CLDN16: variants seen among roughly 807,000 people sequenced by gnomAD.
CLDN16 encodes the protein claudin-16.
A neutral mutation model predicts 24.6 loss-of-function variants in CLDN16; 13 were observed. The observed-to-expected ratio is 0.53, with a 90% CI of 0.34 to 0.84. The LOEUF is 0.84. CLDN16 is among the 40% of genes least tolerant of loss of function. The pLI is 0.01. For missense variants in CLDN16, 298 were observed against 292.7 expected, an observed-to-expected ratio of 1.02 and a Z score of -0.13; for synonymous variants, 116 against 106.7, an observed-to-expected ratio of 1.09 and a Z score of -0.54.
upstream of CLDN16, among the ~76,000 whole-genome samples, chr3:190,321,352 C>T (rs1016757255): frequency 9.2e-5 from 14 of 152,200 alleles, no homozygotes; most frequent in African/African-American, 2.4e-4. Context: ...ATTAAAACTT[C>T]GGGGGAATCT....
the CLDN16 span, among the ~76,000 whole-genome samples, chr3:190,297,844 T>C: frequency 1.7e-4 from 25 of 151,056 alleles, no homozygotes; most frequent in Non-Finnish European, 3.4e-4. Context: ...CATATGTCAT[T>C]TGACTTCCAC....
rs183329532 is a variant in CLDN16, at chr3:190,376,320, A to G, written n.306+1717A>G. ...AAAGATTAGAAAATTAAAGAAATAT[A>G]AAATTTTGATAATTCAACAACAGAA... On this transcript the variant is annotated intron_variant and non_coding_transcript_variant, in intron 3 of 4. Transcript: ENST00000468220. 5.3e-3 allele frequency among the ~76,000 whole-genome samples: 811 copies of G among 152,038 alleles called. 4 individuals carry two copies. The highest frequency in any genetic ancestry group is 8.9e-3 in the Non-Finnish European group (603 of 67,910).
At chr3:190,325,396 T>G (rs1397239344) in intron 1 of CLDN16, among the ~76,000 whole-genome samples, 1 of 152,210 alleles carries the variant, frequency 6.6e-6, no homozygotes, top group Non-Finnish European at 1.5e-5. Flanking sequence ...AGTGGCAAGA[T>G]ATTTTACTCT....
chr3:190,342,904 T>C (rs933582686), intron 1 of CLDN16, among the ~76,000 whole-genome samples: 3 of 152,196 alleles, frequency 2.0e-5, no homozygotes, highest in African/African-American at 7.2e-5. Context: ...GCCTTGGCAA[T>C]GATTTCTTGA....
At chr3:190,406,915 T>C (rs2108518781) in intron 3 of CLDN16, among the ~76,000 whole-genome samples, 1 of 152,154 alleles carries the variant, frequency 6.6e-6, no homozygotes, top group South Asian at 2.1e-4. Context: ...CTACTTTTTG[T>C]ATTTTTAGTA....
chr3:190,383,942 G>T (rs1047729460), upstream of CLDN16, among the ~76,000 whole-genome samples: 1 of 152,006 alleles, frequency 6.6e-6, no homozygotes, highest in Non-Finnish European at 1.5e-5. Context: ...CTTTACAAAC[G>T]TTATTCATTT....
chr3:190,407,752 C>T (rs1719142764), intron 3 of CLDN16, among the ~76,000 whole-genome samples: 1 of 152,104 alleles, frequency 6.6e-6, no homozygotes, highest in East Asian at 1.9e-4. Context: ...ACATTTTTTA[C>T]TTCAATTATT....
chr3:190,408,777 T>C (rs1719173948), intron 4 of CLDN16, among the ~76,000 whole-genome samples: 1 of 148,752 alleles, frequency 6.7e-6, no homozygotes, highest in Admixed American at 6.7e-5. Flanking sequence ...CAATTATACA[T>C]ATATACATAT....
At chr3:190,347,629 T>A (rs181307032) in intron 1 of CLDN16, among the ~76,000 whole-genome samples, 4 of 152,278 alleles carry the variant, frequency 2.6e-5, no homozygotes, top group African/African-American at 7.2e-5. Flanking sequence ...TCATTCTTGA[T>A]GGGGGAGACA....
chr3:190,367,991 G>C (rs1302345223), intron 1 of CLDN16, among the ~76,000 whole-genome samples: 1 of 151,830 alleles, frequency 6.6e-6, no homozygotes, highest in African/African-American at 2.4e-5. Context: ...GATTTACGTT[G>C]GGTCCTGATG....
the CLDN16 span, among the ~76,000 whole-genome samples, chr3:190,310,781 G>C: frequency 2.6e-5 from 4 of 152,074 alleles, no homozygotes; most frequent in African/African-American, 7.2e-5. Flanking sequence ...CTGCCCCATT[G>C]GCCAAGGGAA....
At chr3:190,387,864 C>T (rs913439316), upstream of CLDN16, 12 of 537,018 alleles carry the variant, frequency 2.2e-5, no homozygotes, top group South Asian at 4.1e-5. Flanking sequence ...CTCAGTCAAC[C>T]GTGTAGCCTT....
At chr3:190,307,317 T>C in the CLDN16 span, 2 of 152,070 alleles carry the variant, frequency 1.3e-5, no homozygotes, top group African/African-American at 4.8e-5. Flanking sequence ...AATTAAGGAA[T>C]GGGGAACAAA....
At chr3:190,371,832 A>G (rs777719312) in intron 2 of CLDN16, among the ~76,000 whole-genome samples, 1 of 151,876 alleles carries the variant, frequency 6.6e-6, no homozygotes, top group Non-Finnish European at 1.5e-5. Flanking sequence ...AATTTCTGCC[A>G]TTTTCCTTGG....
chr3:190,357,858 GA>G (rs1560086791), intron 1 of CLDN16, among the ~76,000 whole-genome samples: 1 of 151,948 alleles, frequency 6.6e-6, no homozygotes, highest in Non-Finnish European at 1.5e-5. Flanking sequence ...AAGCACTTCA[GA>G]CTAGTCTCAT....
chr3:190,343,645 T>C (rs1419261763), intron 1 of CLDN16, among the ~76,000 whole-genome samples: 1 of 152,070 alleles, frequency 6.6e-6, no homozygotes, highest in Non-Finnish European at 1.5e-5. Context: ...GATTCTGCCA[T>C]TTGCCACGAC....
chr3:190,389,762 C>A (rs1051605990), intron 1 of CLDN16, among the ~76,000 whole-genome samples: 2 of 152,072 alleles, frequency 1.3e-5, no homozygotes, highest in Admixed American at 6.5e-5. Flanking sequence ...GCAGATAAAA[C>A]GTTCTGCTGT....
the CLDN16 span, among the ~76,000 whole-genome samples, chr3:190,290,743 G>GGGAT: frequency 3.3e-5 from 5 of 152,132 alleles, no homozygotes; most frequent in Admixed American, 1.3e-4. Context: ...TAATTTATTA[G>GGGAT]GGATATGTGA....
intron 1 of CLDN16, among the ~76,000 whole-genome samples, chr3:190,390,088 A>G (rs1718611370): frequency 6.6e-6 from 1 of 152,220 alleles, no homozygotes; most frequent in Admixed American, 6.5e-5. Context: ...CCCATGAAAG[A>G]ATACTTCTAG....
Sources: gnomAD v4.1 joint callset for allele counts (sites outside exome capture counted in the v4.1 genomes callset) on GRCh38, gnomAD v4.1.1 for gene constraint, MANE v1.5 for transcripts, NCBI Gene and HGNC (gene_info 2026-07-23, HGNC 2026-07-21) for gene names.